The following PIGK variants were observed in gnomAD, a reference collection of about 807,000 sequenced individuals.
The protein encoded by PIGK is GPI-anchor transamidase.
A neutral mutation model predicts 50.6 loss-of-function variants in PIGK; 42 were observed. The ratio of observed to expected loss-of-function variants is 0.83; its 90% CI spans 0.65 to 1.07. The LOEUF is 1.07. Among genes scored for constraint, PIGK ranks in the 50% least tolerant of loss-of-function variants. PIGK has a pLI of 0.00. For synonymous variants in PIGK, 151 were observed against 156.0 expected (o/e 0.97, Z 0.24); for missense variants, 448 against 488.7 (o/e 0.92, Z 0.78).
intron 3 of PIGK, among the ~76,000 whole-genome samples, chr1:77,204,623 C>T (rs1656248401): frequency 6.6e-6 from 1 of 152,030 alleles, no homozygotes; most frequent in Admixed American, 6.6e-5. Flanking sequence ...CTCCCCTGGA[C>T]ATCCAGCTTT....
At chr1:77,124,544 G>C (rs1013923762) in intron 9 of PIGK, among the ~76,000 whole-genome samples, 1 of 151,870 alleles carries the variant, frequency 6.6e-6, no homozygotes, top group Non-Finnish European at 1.5e-5. Flanking sequence ...GGGAGATGGA[G>C]GTTGCAGTGA....
At chr1:77,144,877 CTG>C (rs751813690) in intron 9 of PIGK, among the ~76,000 whole-genome samples, 3 of 151,680 alleles carry the variant, frequency 2.0e-5, no homozygotes, top group Non-Finnish European at 3.0e-5. Flanking sequence ...TTTTGAATAA[CTG>C]AAGTGACAAA....
chr1:77,176,233 A>C (rs1438413192), intron 3 of PIGK, among the ~76,000 whole-genome samples: 1 of 152,184 alleles, frequency 6.6e-6, no homozygotes, highest in African/African-American at 2.4e-5. Flanking sequence ...CCTAAAATCA[A>C]ATTTCAGCTT....
chr1:77,149,416 T>G (rs530228876), intron 9 of PIGK, among the ~76,000 whole-genome samples: 155 of 152,156 alleles, frequency 1.0e-3, no homozygotes, highest in Non-Finnish European at 1.5e-3. Flanking sequence ...AGATATTTTA[T>G]GTAAATGAAA....
intron 3 of PIGK, among the ~76,000 whole-genome samples, chr1:77,186,369 C>G (rs1258740477): frequency 6.6e-6 from 1 of 152,236 alleles, no homozygotes; most frequent in African/African-American, 2.4e-5. Flanking sequence ...GAACTTCGAG[C>G]AGTGCACCTG....
intron 8 of PIGK, among the ~76,000 whole-genome samples, chr1:77,155,781 G>A (rs183066180): frequency 1.7e-3 from 262 of 152,278 alleles, no homozygotes; most frequent in African/African-American, 6.1e-3. Context: ...CTATCCACCT[G>A]TAGAGATAAG....
At chr1:77,150,821 C>A (rs1216916205) in intron 9 of PIGK, among the ~76,000 whole-genome samples, 1 of 151,978 alleles carries the variant, frequency 6.6e-6, no homozygotes, top group Non-Finnish European at 1.5e-5. Flanking sequence ...TCTAAACAGA[C>A]CAATAATGAG....
intron 3 of PIGK, among the ~76,000 whole-genome samples, chr1:77,175,105 G>A (rs1025968265): frequency 6.6e-6 from 1 of 152,000 alleles, no homozygotes; most frequent in Non-Finnish European, 1.5e-5. Flanking sequence ...AAGATTATTG[G>A]TAAAATAAAG....
intron 3 of PIGK, among the ~76,000 whole-genome samples, chr1:77,187,813 C>A (rs148466460): frequency 1.3e-5 from 2 of 152,150 alleles, no homozygotes; most frequent in African/African-American, 4.8e-5. Flanking sequence ...ACGGATGGAC[C>A]GGCTGAAGCC....
At chr1:77,127,631 A>G (rs1389898963) in intron 9 of PIGK, among the ~76,000 whole-genome samples, 1 of 152,230 alleles carries the variant, frequency 6.6e-6, no homozygotes, top group Non-Finnish European at 1.5e-5. Flanking sequence ...ACAAGAAAGC[A>G]GAGACACTGT....
rs541893309 is a variant in PIGK, at chr1:77,089,110, C to T, written c.*3264G>A. 4 of 152,262 alleles carry T rather than the reference C, an allele frequency of 2.6e-5. No homozygotes were observed. Among genetic ancestry groups the T allele is most frequent in the African/African-American group, 9.6e-5 (4 of 41,546 alleles). 9.4% of individuals were successfully genotyped at this position (152,262 alleles called of 1,614,324 possible). On this transcript the variant is annotated 3_prime_UTR_variant, in exon 11 of 11. Transcript: ENST00000370812. ...TTCACAGCACATTTCCAAAACAGTA[C>T]AGTTTTTACACTAAGAAAAAAAAAT...
intron 6 of PIGK, among the ~76,000 whole-genome samples, 180 bp downstream of exon 6, chr1:77,163,666 C>G (rs1201571581): frequency 1.3e-5 from 2 of 152,036 alleles, no homozygotes; most frequent in Non-Finnish European, 2.9e-5. Flanking sequence ...TATAGAATAA[C>G]TCTCAGTTTT....
chr1:77,093,444 T>C (rs1301371155), intron 10 of PIGK, among the ~76,000 whole-genome samples: 1 of 152,162 alleles, frequency 6.6e-6, no homozygotes, highest in Non-Finnish European at 1.5e-5. Context: ...AGTTATGATA[T>C]TAGAATCACA....
chr1:77,207,123 C>T (rs964569115), intron 2 of PIGK, among the ~76,000 whole-genome samples: 3 of 152,082 alleles, frequency 2.0e-5, no homozygotes. Flanking sequence ...GTGGAGATGG[C>T]ACCACTGCAC....
At chr1:77,135,644 T>G (rs192221261) in intron 9 of PIGK, among the ~76,000 whole-genome samples, 1 of 152,156 alleles carries the variant, frequency 6.6e-6, no homozygotes, top group East Asian at 1.9e-4. Context: ...TGCCTTCTCA[T>G]TGATTTTTTA....
intron 2 of PIGK, 40 bp from the exon 3 acceptor site, chr1:77,206,771 G>A: frequency 8.8e-7 from 1 of 1,133,706 alleles, no homozygotes; most frequent in Non-Finnish European, 1.3e-6. Flanking sequence ...TATGCATCAA[G>A]GCTAACCATG....
intron 3 of PIGK, among the ~76,000 whole-genome samples, chr1:77,189,707 A>T (rs1238134814): frequency 8.1e-5 from 1 of 12,368 alleles, no homozygotes. Flanking sequence ...ATATATATAT[A>T]TATATATATA....
chr1:77,191,887 A>G (rs1289398441), intron 3 of PIGK, among the ~76,000 whole-genome samples: 3 of 152,212 alleles, frequency 2.0e-5, no homozygotes, highest in Non-Finnish European at 4.4e-5. Context: ...TTAGCCAGGC[A>G]TGGTGATACC....
In PIGK at chr1:77,161,287, A is replaced by C. The variant is rs1450537289; in HGVS notation, c.813+8T>G. 6.0e-6 allele frequency: 8 copies of C among 1,324,520 alleles called. No individual in the cohort carries two copies. The highest frequency in any genetic ancestry group is 1.8e-4 in the Middle Eastern group (1 of 5,454). 82.0% of individuals were successfully genotyped at this position (1,324,520 alleles called of 1,614,324 possible). A position where few individuals can be genotyped will look rare whatever the true frequency, so the allele number is the denominator to read the frequency against. On this transcript the variant is annotated splice_region_variant and intron_variant, in intron 8 of 10. Coordinates refer to ENST00000370812, the MANE Select transcript of PIGK (RefSeq NM_005482.3). The stretch of plus-strand genomic sequence containing the variant: ...TATGTGCTATAATCAAATCAAGTGA[A>C]TACTTACAAGGTCATTCATATTAGT...
Sources: allele counts gnomAD v4.1 joint callset (sites outside exome capture counted in the v4.1 genomes callset), GRCh38; gene constraint gnomAD v4.1.1; transcripts MANE v1.5; gene names NCBI Gene and HGNC (gene_info 2026-07-23, HGNC 2026-07-21).